The following TENM2 variants were observed in gnomAD, a reference collection of about 807,000 sequenced individuals.
The protein encoded by TENM2 is teneurin transmembrane protein 2, also known as teneurin-2.
TENM2 carries 52 observed loss-of-function variants against 245.2 expected under a neutral mutation model. The observed-to-expected ratio is 0.21, with a 90% confidence interval of 0.17 to 0.27. The LOEUF is 0.27. Among genes scored for constraint, TENM2 ranks in the 10% least tolerant of loss-of-function variants. The pLI, the probability that TENM2 is intolerant of heterozygous loss-of-function variation, is 1.00. For synonymous variants in TENM2, 1,363 were observed against 1,438.9 expected (o/e 0.95, Z 1.19); for missense variants, 3,046 against 3,666.8 (o/e 0.83, Z 4.37).
chr5:167,141,801 T>C, the TENM2 span, among the ~76,000 whole-genome samples: 2 of 152,214 alleles, frequency 1.3e-5, no homozygotes. Context: ...TGAGGGAGTT[T>C]AGCTCTGATT....
At chr5:167,343,407 A>G (rs1758247706) in intron 1 of TENM2, among the ~76,000 whole-genome samples, 1 of 152,144 alleles carries the variant, frequency 6.6e-6, no homozygotes, top group South Asian at 2.1e-4. Context: ...TGTTAGCTTT[A>G]ATATTGGCTG....
At chr5:168,035,794 T>G (rs537275238) in intron 5 of TENM2, among the ~76,000 whole-genome samples, 1 of 152,168 alleles carries the variant, frequency 6.6e-6, no homozygotes, top group Non-Finnish European at 1.5e-5. Context: ...TTTAGCAAAC[T>G]TATAAATTAA....
intron 2 of TENM2, among the ~76,000 whole-genome samples, chr5:167,572,188 C>T (rs1394974273): frequency 6.6e-6 from 1 of 152,222 alleles, no homozygotes; most frequent in Non-Finnish European, 1.5e-5. Context: ...AAGAGTATGA[C>T]ACTTCGAGTT....
chr5:167,405,769 A>AACACACACACACAC (rs149621688), intron 2 of TENM2, among the ~76,000 whole-genome samples: 3,942 of 145,194 alleles, frequency 0.027, 67 homozygotes, highest in South Asian at 0.047. Context: ...CACACACACA[A>AACACACACACACAC]ACACACACAC....
chr5:167,015,485 G>A, the TENM2 span, among the ~76,000 whole-genome samples: 1 of 152,248 alleles, frequency 6.6e-6, no homozygotes, highest in Admixed American at 6.5e-5. Context: ...CATAGCATAA[G>A]AATATATTTT....
At chr5:167,897,544 T>C (rs930565290) in intron 3 of TENM2, among the ~76,000 whole-genome samples, 1 of 152,254 alleles carries the variant, frequency 6.6e-6, no homozygotes, top group African/African-American at 2.4e-5. Context: ...TAAAGGATGC[T>C]ATTTACAATG....
chr5:168,105,760 T>C (rs959516953), intron 9 of TENM2, among the ~76,000 whole-genome samples: 7 of 152,220 alleles, frequency 4.6e-5, no homozygotes, highest in African/African-American at 1.7e-4. Context: ...ACCTCTCCTG[T>C]CCAGCAATAA....
intron 4 of TENM2, among the ~76,000 whole-genome samples, chr5:167,961,843 T>C (rs999785176): frequency 3.9e-5 from 6 of 152,218 alleles, no homozygotes; most frequent in Admixed American, 3.3e-4. Context: ...GGTGGTGGAA[T>C]GTCTGATGGG....
At chr5:167,702,955 G>C (rs1001652661) in intron 2 of TENM2, among the ~76,000 whole-genome samples, 2 of 152,110 alleles carry the variant, frequency 1.3e-5, no homozygotes, top group Admixed American at 6.6e-5. Flanking sequence ...AAGCCACCAC[G>C]CCCAGCCACT....
chr5:168,134,303 T>A (rs1754849735), intron 12 of TENM2, among the ~76,000 whole-genome samples: 1 of 152,218 alleles, frequency 6.6e-6, no homozygotes, highest in African/African-American at 2.4e-5. Flanking sequence ...CTGGGACATA[T>A]GTAAAGTACT....
At chr5:167,422,165 G>A (rs532792595) in intron 2 of TENM2, among the ~76,000 whole-genome samples, 5 of 152,230 alleles carry the variant, frequency 3.3e-5, no homozygotes, top group South Asian at 2.1e-4. Context: ...AGTAAACGTC[G>A]TATTTGTTTG....
At chr5:167,547,879 T>C in intron 2 of TENM2, among the ~76,000 whole-genome samples, 1 of 152,200 alleles carries the variant, frequency 6.6e-6, no homozygotes. Flanking sequence ...GAGACAAGGA[T>C]AGGAATAAGA....
chr5:167,799,834 A>G (rs1765579652), intron 2 of TENM2, among the ~76,000 whole-genome samples: 1 of 152,218 alleles, frequency 6.6e-6, no homozygotes, highest in Non-Finnish European at 1.5e-5. Context: ...TATGATGATC[A>G]CAGTTTGATC....
chr5:167,169,167 T>G, the TENM2 span, among the ~76,000 whole-genome samples: 4 of 152,128 alleles, frequency 2.6e-5, no homozygotes, highest in Non-Finnish European at 4.4e-5. Context: ...CGCACTCCTT[T>G]GGTGCTTCCT....
intron 3 of TENM2, chr5:167,937,818 T>G (rs1335434214): frequency 1.3e-5 from 2 of 152,164 alleles, no homozygotes; most frequent in Admixed American, 6.5e-5. Flanking sequence ...CAAAGACATA[T>G]AGAGAGATGA....
intron 2 of TENM2, among the ~76,000 whole-genome samples, chr5:167,747,593 C>G (rs936369349): frequency 6.6e-6 from 1 of 152,142 alleles, no homozygotes; most frequent in African/African-American, 2.4e-5. Context: ...TTGATCGAGA[C>G]TTTTCTGAGT....
chr5:167,236,072 C>G, the TENM2 span, among the ~76,000 whole-genome samples: 1 of 152,168 alleles, frequency 6.6e-6, no homozygotes, highest in Non-Finnish European at 1.5e-5. Flanking sequence ...GGCAGCACCT[C>G]CTATCCCAAA....
intron 3 of TENM2, among the ~76,000 whole-genome samples, chr5:167,917,258 C>T (rs1186159695): frequency 6.6e-6 from 1 of 151,986 alleles, no homozygotes; most frequent in African/African-American, 2.4e-5. Flanking sequence ...TCGCAAATCC[C>T]AGTTCTAGCC....
chr5:168,105,392 G>A (rs1794161041), intron 9 of TENM2, among the ~76,000 whole-genome samples: 1 of 152,136 alleles, frequency 6.6e-6, no homozygotes, highest in Non-Finnish European at 1.5e-5. Context: ...TATTTTACTG[G>A]TGCATTTGAA....
Sources: gnomAD v4.1 joint callset for allele counts (sites outside exome capture counted in the v4.1 genomes callset) on GRCh38, gnomAD v4.1.1 for gene constraint, MANE v1.5 for transcripts, NCBI Gene and HGNC (gene_info 2026-07-23, HGNC 2026-07-21) for gene names.